VCAN: variants seen among roughly 807,000 people sequenced by gnomAD.
The protein encoded by VCAN is versican core protein.
In VCAN, 44 loss-of-function variants were observed where a neutral mutation model predicts 245.5. That is an observed-to-expected ratio of 0.18 (90% CI 0.14 to 0.23). VCAN has a LOEUF of 0.23. Among genes scored for constraint, VCAN ranks in the 10% least tolerant of loss-of-function variants. VCAN has a pLI of 1.00. For synonymous variants in VCAN, 1,413 were observed against 1,437.0 expected, an observed-to-expected ratio of 0.98 and a Z score of 0.38; for missense variants, 3,793 against 4,057.9, an observed-to-expected ratio of 0.93 and a Z score of 1.77.
chr5:83,501,358 T>C (rs1223826911), intron 5 of VCAN, among the ~76,000 whole-genome samples: 1 of 152,190 alleles, frequency 6.6e-6, no homozygotes, highest in Non-Finnish European at 1.5e-5. Context: ...TGGTGTCATA[T>C]CTAAGAAAAC....
chr5:83,551,163 A>C, intron 10 of VCAN, among the ~76,000 whole-genome samples: 1 of 152,050 alleles, frequency 6.6e-6, no homozygotes, highest in Non-Finnish European at 1.5e-5. Context: ...AAATTTTGTG[A>C]TCATCTGGGT....
At chr5:83,544,040 T>C (rs1212022300) in intron 8 of VCAN, among the ~76,000 whole-genome samples, 1 of 152,250 alleles carries the variant, frequency 6.6e-6, no homozygotes, top group Non-Finnish European at 1.5e-5. Context: ...GTAGGAATAG[T>C]AATAGTACTT....
intron 13 of VCAN, among the ~76,000 whole-genome samples, chr5:83,575,261 T>C (rs1013571594): frequency 6.6e-6 from 1 of 152,202 alleles, no homozygotes; most frequent in Non-Finnish European, 1.5e-5. Context: ...AGTACGTTAG[T>C]CTGCTGTTTT....
At chr5:83,566,188 C>T (rs1235696929) in intron 12 of VCAN, among the ~76,000 whole-genome samples, 9 of 151,946 alleles carry the variant, frequency 5.9e-5, no homozygotes, top group Admixed American at 3.3e-4. Flanking sequence ...CTTGAACTCC[C>T]GACCTCAGGT....
rs1271774961 is a variant in VCAN, at chr5:83,520,738, C to A, written c.2432C>A (p.Thr811Lys). ...TGGTCATGGGATGAAGATAATACAA[C>A]ATCCAAGCCTTTAGAGTCTACAGAA... ...SKWSWDEDNT[T>K]SKPLESTEPS... Residue 811 changes from threonine to lysine, a missense_variant, in exon 7 of 15, where the codon ACA (threonine) becomes AAA (lysine). Thr to Lys is a moderately conservative substitution (Grantham distance 78). This residue lies in a region of VCAN where 3,182 missense variants were observed against 3,250.3 expected (regional missense o/e 0.98). Transcript: ENST00000265077. The A allele has an allele frequency of 3.1e-6, 5 of 1,614,024 alleles. No homozygotes were observed. The highest frequency in any genetic ancestry group is 1.3e-5 in the African/African-American group (1 of 74,936).
intron 12 of VCAN, among the ~76,000 whole-genome samples, chr5:83,558,268 A>G (rs1747745998): frequency 6.6e-6 from 1 of 152,114 alleles, no homozygotes; most frequent in Non-Finnish European, 1.5e-5. Flanking sequence ...GTTTACTCCA[A>G]GGTTTTTGCT....
intron 1 of VCAN, among the ~76,000 whole-genome samples, chr5:83,474,247 A>G (rs1248238536): frequency 6.6e-6 from 1 of 151,916 alleles, no homozygotes; most frequent in African/African-American, 2.4e-5. Context: ...GAAGGAAGGG[A>G]AGTGGAAGGA....
chr5:83,504,285 C>T (rs1745417042), intron 5 of VCAN, among the ~76,000 whole-genome samples: 1 of 152,066 alleles, frequency 6.6e-6, no homozygotes, highest in South Asian at 2.1e-4. Context: ...CATATGTTTT[C>T]CATATGAATA....
At chr5:83,529,243 G>C (rs1746426285) in intron 7 of VCAN, among the ~76,000 whole-genome samples, 1 of 150,080 alleles carries the variant, frequency 6.7e-6, no homozygotes, top group African/African-American at 2.5e-5. Context: ...TTTGGAAAGA[G>C]ACCTGGGTTC....
At chr5:83,547,818 C>T (rs906089125) in intron 9 of VCAN, among the ~76,000 whole-genome samples, 153 bp from the exon 10 acceptor site, 2 of 152,150 alleles carry the variant, frequency 1.3e-5, no homozygotes, top group Non-Finnish European at 2.9e-5. Flanking sequence ...AAATATGGCA[C>T]GGACATACTT....
chr5:83,484,793 A>G (rs911381170), intron 2 of VCAN, among the ~76,000 whole-genome samples: 1 of 152,208 alleles, frequency 6.6e-6, no homozygotes, highest in Non-Finnish European at 1.5e-5. Context: ...GTGACATCAT[A>G]GAGAGTGGCT....
intron 7 of VCAN, among the ~76,000 whole-genome samples, chr5:83,529,371 C>T (rs1580637034): frequency 7.4e-6 from 1 of 135,046 alleles, no homozygotes; most frequent in East Asian, 2.2e-4. Flanking sequence ...TAAAAAAGAA[C>T]AATACAGCAA....
Position 83,529,302 on chromosome 5 carries a change from C to T in VCAN, c.4003+6993C>T, listed in dbSNP as rs148373848. Among the ~76,000 whole-genome samples the T allele has an allele frequency of 1.4e-3, 208 of 147,520 alleles. 2 individuals are homozygous for T. In the East Asian group the frequency reaches 0.016, roughly 11 times the overall value. ...CACTCTGTATCCACAATTCTGCATC[C>T]TCTGATTTGACCAAACATGGATAAA... On this transcript the variant is annotated intron_variant, in intron 7 of 14. Coordinates refer to ENST00000265077, the MANE Select transcript of VCAN (RefSeq NM_004385.5).
chr5:83,546,340 TATC>T (rs1297095356), intron 9 of VCAN, among the ~76,000 whole-genome samples: 4 of 152,080 alleles, frequency 2.6e-5, no homozygotes, highest in Admixed American at 1.3e-4. Flanking sequence ...CTTTTAGAGA[TATC>T]ATGAAGGTTT....
chr5:83,527,816 A>G (rs1222744638), intron 7 of VCAN, among the ~76,000 whole-genome samples: 1 of 152,244 alleles, frequency 6.6e-6, no homozygotes, highest in Non-Finnish European at 1.5e-5. Flanking sequence ...TTTGATAACT[A>G]AAAGGAACTT....
intron 1 of VCAN, among the ~76,000 whole-genome samples, chr5:83,472,495 G>A (rs1417569018): frequency 6.6e-6 from 1 of 152,166 alleles, no homozygotes; most frequent in Admixed American, 6.5e-5. Flanking sequence ...CAGGCCACCT[G>A]GTTTCCCAGC....
chr5:83,565,583 T>C (rs2112489343), intron 12 of VCAN, among the ~76,000 whole-genome samples: 1 of 152,276 alleles, frequency 6.6e-6, no homozygotes, highest in East Asian at 1.9e-4. Context: ...CTAAACAGTG[T>C]CTGACTCTTC....
intron 5 of VCAN, among the ~76,000 whole-genome samples, chr5:83,504,189 A>G (rs1745414080): frequency 6.6e-6 from 1 of 152,186 alleles, no homozygotes; most frequent in Non-Finnish European, 1.5e-5. Flanking sequence ...CTTCTAGAGC[A>G]TCCCTGGAAA....
intron 1 of VCAN, 94 bp from the exon 2 acceptor site, chr5:83,483,419 C>T (rs1002461413): frequency 5.2e-6 from 5 of 965,896 alleles, no homozygotes; most frequent in Middle Eastern, 2.8e-4. Context: ...TTAATACTAC[C>T]CTTATTACAT....
Sources: allele counts gnomAD v4.1 joint callset (sites outside exome capture counted in the v4.1 genomes callset), GRCh38; gene constraint gnomAD v4.1.1; regional missense constraint gnomAD v4.1.1; transcripts MANE v1.5; gene names NCBI Gene and HGNC (gene_info 2026-07-23, HGNC 2026-07-21).